PARP8: variants seen among roughly 807,000 people sequenced by gnomAD.
PARP8 encodes the protein poly(ADP-ribose) polymerase family member 8, also known as protein mono-ADP-ribosyltransferase PARP8.
A neutral mutation model predicts 124.1 loss-of-function variants in PARP8; 51 were observed. The observed-to-expected ratio is 0.41, with a 90% CI of 0.33 to 0.52. The LOEUF (loss-of-function observed/expected upper bound fraction) is 0.52. PARP8 is among the 20% of genes least tolerant of loss of function. PARP8 has a pLI of 0.21. For synonymous variants in PARP8, 391 were observed against 361.5 expected, an observed-to-expected ratio of 1.08 and a Z score of -0.93; for missense variants, 860 against 1,018.9, an observed-to-expected ratio of 0.84 and a Z score of 2.12.
At chr5:50,735,434 C>G (rs1469415948) in intron 2 of PARP8, among the ~76,000 whole-genome samples, 1 of 152,092 alleles carries the variant, frequency 6.6e-6, no homozygotes, top group Non-Finnish European at 1.5e-5. Flanking sequence ...TTCATGCAGA[C>G]ACATCATAGG....
At chr5:50,809,172 T>C (rs1411235394) in intron 14 of PARP8, among the ~76,000 whole-genome samples, 1 of 151,868 alleles carries the variant, frequency 6.6e-6, no homozygotes, top group Non-Finnish European at 1.5e-5. Flanking sequence ...TGCTGTGGGA[T>C]TCTCTCTCTC....
At chr5:50,737,459 A>T (rs1296356073) in intron 2 of PARP8, among the ~76,000 whole-genome samples, 1 of 152,218 alleles carries the variant, frequency 6.6e-6, no homozygotes, top group Admixed American at 6.5e-5. Flanking sequence ...AGTGAGAATC[A>T]TATGCTGTTT....
At chr5:50,729,428 A>T (rs578182694) in intron 2 of PARP8, among the ~76,000 whole-genome samples, 1 of 152,300 alleles carries the variant, frequency 6.6e-6, no homozygotes, top group South Asian at 2.1e-4. Flanking sequence ...GAAATGATAA[A>T]ATGTAATGAA....
At chr5:50,749,912 A>G (rs1196752215) in intron 2 of PARP8, among the ~76,000 whole-genome samples, 2 of 152,138 alleles carry the variant, frequency 1.3e-5, no homozygotes, top group Non-Finnish European at 2.9e-5. Flanking sequence ...CTGTTGGGAG[A>G]AAGATATTTC....
At position 50,832,940 on chromosome 5, in the gene PARP8, G is replaced by T. The variant is rs1223427439; in HGVS notation, c.2307+86G>T. ...GAGCATGGAAAAATAGGCTTTTTAA[G>T]TCTGAAAAATTATTTAATGTGGTCA... On this transcript the variant is annotated intron_variant, in intron 23 of 25. Transcript: ENST00000281631. 8 of 1,247,998 alleles carry T rather than the reference G, an allele frequency of 6.4e-6. No individual in the cohort carries two copies. The African/African-American group carries it at 1.1e-4, about 17-fold the overall frequency. 77.3% of individuals were successfully genotyped at this position (1,247,998 alleles called of 1,614,324 possible).
chr5:50,806,117 C>T (rs1743811183), intron 14 of PARP8, among the ~76,000 whole-genome samples: 1 of 151,932 alleles, frequency 6.6e-6, no homozygotes, highest in Non-Finnish European at 1.5e-5. Context: ...ATTCACAGTT[C>T]TTTATGTGGA....
intron 23 of PARP8, 36 bp from the exon 24 acceptor site, chr5:50,833,943 T>C (rs754073981): frequency 3.2e-6 from 5 of 1,566,880 alleles, no homozygotes; most frequent in Non-Finnish European, 4.4e-6. Flanking sequence ...AAGTGTTTCA[T>C]TCTGACTCTA....
intron 2 of PARP8, among the ~76,000 whole-genome samples, chr5:50,673,242 A>G (rs1435808917): frequency 8.5e-5 from 13 of 152,130 alleles, no homozygotes; most frequent in Non-Finnish European, 7.3e-5. Context: ...TTAAAATTGC[A>G]GCTGCTTTTT....
rs1485467943 is a variant in PARP8 at position 50,844,429 on chromosome 5, A to C, written c.*2361A>C. ...GAATTTCTGTGTTTCTAAAGAATCTAATTTCAATTACTACCATTAACATAT... is the reference window on the plus strand; with the variant it reads ...GAATTTCTGTGTTTCTAAAGAATCTCATTTCAATTACTACCATTAACATAT... On this transcript the variant is annotated 3_prime_UTR_variant, in exon 26 of 26. Coordinates refer to ENST00000281631, the MANE Select transcript of PARP8 (RefSeq NM_024615.4). The C allele has an allele frequency of 6.6e-6, 1 of 151,806 alleles. No individual in the cohort carries two copies. Among genetic ancestry groups the C allele is most frequent in the Admixed American group, 6.6e-5 (1 of 15,194 alleles). The allele number at this position is 151,806 out of a possible 1,614,324, so 9.4% of individuals were successfully genotyped here.
In PARP8 at chr5:50,666,903, CCCTCCTCCTCCTCCTCCCCCTCCT is replaced by C; in HGVS notation, c.-182_-159del. On this transcript the variant is annotated 5_prime_UTR_variant, in exon 1 of 26. Coordinates refer to ENST00000281631, the MANE Select transcript of PARP8 (RefSeq NM_024615.4). Reference sequence around the variant, plus strand: ...ATCTGGGAATGCAAAGCCGACCTCCCCCTCCTCCTCCTCCTCCCCCTCCTCCTCCTCCTCTTCTCTCACCCAGGA... The same window carrying C: ...ATCTGGGAATGCAAAGCCGACCTCCCCCTCCTCCTCTTCTCTCACCCAGGA... 2.8e-6 allele frequency: 3 copies of C among 1,073,220 alleles called. No individual in the cohort carries two copies. Among genetic ancestry groups the C allele is most frequent in the African/African-American group, 1.7e-5 (1 of 59,130 alleles). 66.5% of individuals were successfully genotyped at this position (1,073,220 alleles called of 1,614,324 possible).
chr5:50,818,508 G>C (rs1270009446), intron 15 of PARP8, among the ~76,000 whole-genome samples: 1 of 152,106 alleles, frequency 6.6e-6, no homozygotes, highest in Non-Finnish European at 1.5e-5. Flanking sequence ...TGGATTACAG[G>C]CATGAGCCAC....
Position 50,821,284 on chromosome 5 carries a change from A to G in PARP8, c.1740A>G (p.Pro580=), listed in dbSNP as rs1389046441. The stretch of plus-strand genomic sequence containing the variant: ...CTAGAAAAGTTGTGATTTTCGAGCC[A>G]TATCCTTCTGTGGTAGATCCTAATG... ...ESPRKVVIFE[P]YPSVVDPNDP... The change falls in exon 16 of 26, where the codon CCA becomes CCG. Residue 580 remains proline, a synonymous_variant. Transcript: ENST00000281631. 1.2e-6 allele frequency: 2 copies of G among 1,613,976 alleles called. No homozygotes were observed. The highest frequency in any genetic ancestry group is 2.7e-5 in the African/African-American group (2 of 74,918).
At chr5:50,812,512 G>A (rs1441610973) in intron 14 of PARP8, among the ~76,000 whole-genome samples, 1 of 152,182 alleles carries the variant, frequency 6.6e-6, no homozygotes, top group African/African-American at 2.4e-5. Context: ...CAGATGGGTA[G>A]ATTGCAAAAA....
At chr5:50,715,001 T>A (rs1755151428) in intron 2 of PARP8, among the ~76,000 whole-genome samples, 1 of 151,824 alleles carries the variant, frequency 6.6e-6, no homozygotes, top group Non-Finnish European at 1.5e-5. Flanking sequence ...GCTGTCTTTG[T>A]GAATTTATGC....
At chr5:50,714,871 C>G (rs892666273) in intron 2 of PARP8, among the ~76,000 whole-genome samples, 3 of 152,106 alleles carry the variant, frequency 2.0e-5, no homozygotes, top group African/African-American at 7.2e-5. Flanking sequence ...AGCTGTCATT[C>G]CTGTAAGAAG....
intron 1 of PARP8, chr5:50,667,517 G>C (rs1407083592): frequency 1.1e-5 from 8 of 697,208 alleles, no homozygotes; most frequent in East Asian, 1.1e-4. Context: ...CTGGGTTCCA[G>C]CAGCGGCGGC....
intron 2 of PARP8, among the ~76,000 whole-genome samples, chr5:50,675,559 T>C: frequency 6.6e-6 from 1 of 152,232 alleles, no homozygotes; most frequent in East Asian, 1.9e-4. Context: ...TCTGCCCGCC[T>C]CGGCCTCCCA....
intron 2 of PARP8, among the ~76,000 whole-genome samples, chr5:50,718,974 A>G (rs1368792168): frequency 6.6e-6 from 1 of 151,962 alleles, no homozygotes; most frequent in African/African-American, 2.4e-5. Flanking sequence ...ACCAGCATTA[A>G]TTATTGCCTG....
chr5:50,786,063 AAAAT>A (rs1741212314), intron 9 of PARP8, among the ~76,000 whole-genome samples: 1 of 152,118 alleles, frequency 6.6e-6, no homozygotes, highest in South Asian at 2.1e-4. Context: ...TTAAAAAAAT[AAAAT>A]AAAAACCCTC....
Sources: allele counts gnomAD v4.1 joint callset (sites outside exome capture counted in the v4.1 genomes callset), GRCh38; gene constraint gnomAD v4.1.1; transcripts MANE v1.5; gene names NCBI Gene and HGNC (gene_info 2026-07-23, HGNC 2026-07-21).